ATL3: variants seen among roughly 807,000 people sequenced by gnomAD.
The protein encoded by ATL3 is atlastin-3.
Under a neutral mutation model 69.5 loss-of-function variants are expected in ATL3, and 49 were observed. The observed-to-expected ratio is 0.71, with a 90% CI of 0.56 to 0.89. The LOEUF (loss-of-function observed/expected upper bound fraction) is 0.89, where lower values mean the gene tolerates loss of function less well. Ranked by LOEUF, ATL3 falls within the 40% of genes least tolerant of loss-of-function variation. The pLI, the probability that ATL3 is intolerant of heterozygous loss-of-function variation, is 0.00. For missense variants in ATL3, 606 were observed against 645.7 expected (o/e 0.94, Z 0.67); for synonymous variants, 214 against 224.1 (o/e 0.95, Z 0.40).
At position 63,633,171 on chromosome 11, in the gene ATL3, T is replaced by C. The variant is rs1939383583; in HGVS notation, c.1036-74A>G. The C allele has an allele frequency of 3.4e-6, 4 of 1,186,068 alleles. No homozygotes were observed. In the South Asian group the frequency reaches 5.0e-5, roughly 15 times the overall value. 73.5% of individuals were successfully genotyped at this position (1,186,068 alleles called of 1,614,324 possible). Reference sequence around the variant, plus strand: ...TCCTCCACAAATAACCTAACAAAAATCTTCTCTATTCCCCATTCTTCCTTT... The same window carrying C: ...TCCTCCACAAATAACCTAACAAAAACCTTCTCTATTCCCCATTCTTCCTTT... On this transcript the variant is annotated intron_variant, in intron 10 of 12. Coordinates refer to ENST00000398868, the MANE Select transcript of ATL3 (RefSeq NM_015459.5).
rs1226433821 is a variant in ATL3, at chr11:63,627,249, G to A, written c.*2070C>T. 1 of 152,092 alleles carries A rather than the reference G, an allele frequency of 6.6e-6. No homozygotes were observed. Among genetic ancestry groups the A allele is most frequent in the Non-Finnish European group, 1.5e-5 (1 of 68,020 alleles). The allele number at this position is 152,092 out of a possible 1,614,324, so 9.4% of individuals were successfully genotyped here. A position where few individuals can be genotyped will look rare whatever the true frequency, so the allele number is the denominator to read the frequency against. ...GGTATGAACTTTCAGAGAGATAAGA[G>A]GTCACCTGAAAATGCACCAACATTT... On this transcript the variant is annotated 3_prime_UTR_variant, in exon 13 of 13. Coordinates refer to ENST00000398868, the MANE Select transcript of ATL3 (RefSeq NM_015459.5).
chr11:63,665,990 C>T (rs1940562346), intron 1 of ATL3, among the ~76,000 whole-genome samples: 2 of 152,122 alleles, frequency 1.3e-5, no homozygotes, highest in Admixed American at 1.3e-4. Context: ...ATATATTACA[C>T]CTTTTTTAAG....
chr11:63,639,615 C>A (rs1939625704), intron 8 of ATL3, among the ~76,000 whole-genome samples: 1 of 151,940 alleles, frequency 6.6e-6, no homozygotes, highest in African/African-American at 2.4e-5. Context: ...ATTAGCCAGG[C>A]ATAGTGGTGC....
chr11:63,630,307 C>T (rs1470137859), intron 12 of ATL3, among the ~76,000 whole-genome samples: 3 of 151,162 alleles, frequency 2.0e-5, no homozygotes, highest in African/African-American at 7.3e-5. Context: ...CACCTATAAT[C>T]CCAGCTACTC....
At chr11:63,644,498 T>C (rs548062670) in intron 6 of ATL3, among the ~76,000 whole-genome samples, 2 of 151,924 alleles carry the variant, frequency 1.3e-5, no homozygotes, top group Admixed American at 1.3e-4. Flanking sequence ...CAAGTGATCC[T>C]TTCACCTCAG....
chr11:63,667,484 G>A (rs188612315), intron 1 of ATL3, among the ~76,000 whole-genome samples: 11 of 152,128 alleles, frequency 7.2e-5, no homozygotes, highest in Non-Finnish European at 1.2e-4. Context: ...GAAGTGGGCC[G>A]GGTGCAATGG....
intron 11 of ATL3, among the ~76,000 whole-genome samples, chr11:63,631,710 G>A (rs1050663903): frequency 1.3e-5 from 2 of 152,188 alleles, no homozygotes; most frequent in Non-Finnish European, 1.5e-5. Context: ...GGACGGGTGC[G>A]GTGGCTCACG....
In ATL3 at chr11:63,636,237, G is replaced by A. The variant is rs1939511590; in HGVS notation, c.948C>T (p.Val316=). 2 of 1,614,032 alleles carry A rather than the reference G, an allele frequency of 1.2e-6. No individual in the cohort carries two copies. The highest frequency in any genetic ancestry group is 1.1e-5 in the South Asian group (1 of 91,062). Residue 316 remains valine, a synonymous_variant, in exon 9 of 13, where the codon GTC becomes GTT. Coordinates refer to ENST00000398868, the MANE Select transcript of ATL3 (RefSeq NM_015459.5). The part of the protein sequence containing the change: ...LMEKEINGSK[V]TCRGLLEYFK... Reference sequence around the variant, plus strand: ...AATACTCCAGTAGTCCCCGACAGGTGACCTTTGAGCCATTGATCTCCTTTT... The same window carrying A: ...AATACTCCAGTAGTCCCCGACAGGTAACCTTTGAGCCATTGATCTCCTTTT...
At chr11:63,630,026 T>G (rs1939253484) in intron 12 of ATL3, among the ~76,000 whole-genome samples, 1 of 152,108 alleles carries the variant, frequency 6.6e-6, no homozygotes, top group African/African-American at 2.4e-5. Flanking sequence ...AGTTCATAAT[T>G]TTTTCAAAGT....
chr11:63,661,514 T>C (rs960963063), intron 1 of ATL3, among the ~76,000 whole-genome samples: 1 of 152,128 alleles, frequency 6.6e-6, no homozygotes, highest in African/African-American at 2.4e-5. Context: ...GAAGCTGAGA[T>C]GGCAGGATTG....
At chr11:63,637,675 C>G (rs751926210) in intron 8 of ATL3, 2 of 152,124 alleles carry the variant, frequency 1.3e-5, no homozygotes, top group Non-Finnish European at 2.9e-5. Context: ...TACAGAAAAG[C>G]TGATTTACAT....
At chr11:63,660,920 G>C (rs1254782922) in intron 1 of ATL3, among the ~76,000 whole-genome samples, 1 of 151,838 alleles carries the variant, frequency 6.6e-6, no homozygotes, top group Non-Finnish European at 1.5e-5. Context: ...TCCATTTTAA[G>C]AAGAAGGAAA....
chr11:63,653,220 A>C (rs1415542974), intron 3 of ATL3, among the ~76,000 whole-genome samples: 1 of 152,154 alleles, frequency 6.6e-6, no homozygotes, highest in Non-Finnish European at 1.5e-5. Flanking sequence ...TAATCCCAGT[A>C]CTTTGGGAGG....
At position 63,657,208 on chromosome 11, in the gene ATL3, C is replaced by CAAAAAAA. The variant is rs1254213240; in HGVS notation, c.405+1546_405+1552dup. Among the ~76,000 whole-genome samples the CAAAAAAA allele has an allele frequency of 4.8e-3, 287 of 59,886 alleles. 2 individuals are homozygous for CAAAAAAA. The highest frequency in any genetic ancestry group is 0.018 in the African/African-American group (274 of 15,566). The allele number at this position is 59,886 out of a possible 152,430, so 39.3% of individuals were successfully genotyped here. On this transcript the variant is annotated intron_variant, in intron 3 of 12. Coordinates refer to ENST00000398868, the MANE Select transcript of ATL3 (RefSeq NM_015459.5). ...TGGGCAACAGAGTGAGACTACATCT[C>CAAAAAAA]AAAAAAAAAAAAAAAAAAAGGACAA...
At position 63,631,346 on chromosome 11, in the gene ATL3, A is replaced by C. The variant is rs768756696; in HGVS notation, c.1233T>G (p.Phe411Leu). The C allele has an allele frequency of 8.7e-6, 14 of 1,614,104 alleles. No homozygotes were observed. The highest frequency in any genetic ancestry group is 6.7e-5 in the African/African-American group (5 of 74,928). The change falls in exon 12 of 13, where the codon TTT (phenylalanine) becomes TTG (leucine). Residue 411 changes from phenylalanine (F) to leucine (L), a missense_variant. By Grantham distance (22) the Phe-to-Leu change is conservative. Transcript: ENST00000398868. ...TKKMGGKDFS[F>L]RYQQELEEEI... is the part of the protein sequence containing the mutation. ...CCTCCTCCAGCTCCTGCTGGTAACG[A>C]AAGCTGAAATCCTTCCCACCCATCT...
chr11:63,636,076 C>G lies in ATL3; in HGVS notation c.978+131G>C, dbSNP rs150353129. ...CCCACTCCTGGAAGGACACCAAGGT[C>G]TCTGAAAATGCCTCTCACCATCTCC... On this transcript the variant is annotated intron_variant, in intron 9 of 12. Transcript: ENST00000398868. The G allele has an allele frequency of 7.0e-6, 8 of 1,147,826 alleles. No individual in the cohort carries two copies. In the East Asian group the frequency reaches 2.0e-4, roughly 29 times the overall value. The allele number at this position is 1,147,826 out of a possible 1,614,324, so 71.1% of individuals were successfully genotyped here.
chr11:63,634,240 C>T (rs1939439920), intron 10 of ATL3, among the ~76,000 whole-genome samples: 1 of 151,114 alleles, frequency 6.6e-6, no homozygotes. Context: ...GGCGCGGTGA[C>T]TCACGCCTGT....
chr11:63,635,618 T>A, intron 9 of ATL3, 28 bp from the exon 10 acceptor site: 1 of 1,507,884 alleles, frequency 6.6e-7, no homozygotes, highest in Middle Eastern at 1.7e-4. Flanking sequence ...AAAACTGCTA[T>A]AAAATGTTAT....
chr11:63,645,560 G>C (rs1425698530), intron 6 of ATL3, among the ~76,000 whole-genome samples: 1 of 151,806 alleles, frequency 6.6e-6, no homozygotes, highest in East Asian at 1.9e-4. Context: ...GAGAGAGAGA[G>C]AGACAGAGAG....
Sources: allele counts gnomAD v4.1 joint callset (sites outside exome capture counted in the v4.1 genomes callset), GRCh38; gene constraint gnomAD v4.1.1; transcripts MANE v1.5; gene names NCBI Gene and HGNC (gene_info 2026-07-23, HGNC 2026-07-21).